The following POU3F3 variants were observed in gnomAD, a reference collection of about 807,000 sequenced individuals.
The protein encoded by POU3F3 is POU domain, class 3, transcription factor 3.
Under a neutral mutation model 8.6 loss-of-function variants are expected in POU3F3, and 1 was observed. The ratio of observed to expected loss-of-function variants is 0.12; its 90% CI spans 0.04 to 0.55. The LOEUF is 0.55. POU3F3 is among the 20% of genes least tolerant of loss of function. The pLI is 0.91. For missense variants in POU3F3, 577 were observed against 690.7 expected (o/e 0.84, Z 1.84); for synonymous variants, 418 against 327.4 (o/e 1.28, Z -2.99).
At chr2:104,907,585 A>G in the POU3F3 span, among the ~76,000 whole-genome samples, 1 of 152,168 alleles carries the variant, frequency 6.6e-6, no homozygotes, top group Non-Finnish European at 1.5e-5. Context: ...CTCCTGTCTT[A>G]TATTTGCAGA....
chr2:104,873,733 C>A, the POU3F3 span, among the ~76,000 whole-genome samples: 5 of 152,150 alleles, frequency 3.3e-5, no homozygotes, highest in African/African-American at 1.2e-4. Context: ...TGGGTCTTGA[C>A]CCCCTGCTTC....
the POU3F3 span, among the ~76,000 whole-genome samples, chr2:104,870,702 C>A: frequency 2.0e-5 from 3 of 152,188 alleles, no homozygotes; most frequent in Admixed American, 2.0e-4. Flanking sequence ...CTACTAACTG[C>A]CCCCTCCTTT....
At chr2:104,897,336 G>A in the POU3F3 span, among the ~76,000 whole-genome samples, 203 of 152,292 alleles carry the variant, frequency 1.3e-3, no homozygotes, top group African/African-American at 4.4e-3. Context: ...CAGAACTGGG[G>A]ACCTGGGTCT....
In POU3F3 at chr2:104,854,891, G is replaced by A. The variant is rs1176783579; in HGVS notation, c.-620G>A. On this transcript the variant is annotated 5_prime_UTR_variant, in exon 1 of 1. Coordinates refer to ENST00000361360, the MANE Select transcript of POU3F3 (RefSeq NM_006236.3). This position sits in a 1 kb window ranked among gnomAD's most constrained non-coding sequence, Gnocchi z 4.5. ...GAGCGGACAAGAGAAGGAGCGGGCC[G>A]GTTGCTGGTCATCCGTAATTTGGCT... Among the ~76,000 whole-genome samples the A allele has an allele frequency of 6.6e-6, 1 of 152,200 alleles. No individual in the cohort carries two copies. Among genetic ancestry groups the A allele is most frequent in the African/African-American group, 2.4e-5 (1 of 41,458 alleles).
the POU3F3 span, among the ~76,000 whole-genome samples, chr2:104,871,431 C>T: frequency 6.6e-6 from 1 of 152,076 alleles, no homozygotes; most frequent in Admixed American, 6.5e-5. Context: ...AGCTTGATTA[C>T]CTCATTTGGG....
At chr2:104,895,631 C>T in the POU3F3 span, among the ~76,000 whole-genome samples, 1 of 152,168 alleles carries the variant, frequency 6.6e-6, no homozygotes, top group African/African-American at 2.4e-5. Context: ...AGAAGAGCCA[C>T]AAGAGACAAA....
chr2:104,858,306 T>C lies in POU3F3; in HGVS notation c.*1293T>C, dbSNP rs1390328008. 6.6e-6 allele frequency: 1 copy of C among 152,258 alleles called. No individual in the cohort carries two copies. Among genetic ancestry groups the C allele is most frequent in the Non-Finnish European group, 1.5e-5 (1 of 68,046 alleles). The allele number at this position is 152,258 out of a possible 1,614,324, so 9.4% of individuals were successfully genotyped here. A position where few individuals can be genotyped will look rare whatever the true frequency, so the allele number is the denominator to read the frequency against. On this transcript the variant is annotated 3_prime_UTR_variant, in exon 1 of 1. Transcript: ENST00000361360. ...ATAGAATTGTTAGATCCGTTGTTGA[T>C]CTAAAAATATTTGCTTTATATTTTC...
chr2:104,908,109 A>G, the POU3F3 span, among the ~76,000 whole-genome samples: 8 of 152,348 alleles, frequency 5.3e-5, no homozygotes, highest in African/African-American at 1.2e-4. Context: ...TTGCATGAAT[A>G]GATTTCTTAA....
downstream of POU3F3, among the ~76,000 whole-genome samples, chr2:104,858,990 C>A (rs949362526): frequency 6.6e-6 from 1 of 151,938 alleles, no homozygotes; most frequent in Non-Finnish European, 1.5e-5. Context: ...CTCCTGTCCC[C>A]CTCCCAACAT....
chr2:104,922,513 A>G, the POU3F3 span, among the ~76,000 whole-genome samples: 1 of 152,232 alleles, frequency 6.6e-6, no homozygotes, highest in Admixed American at 6.5e-5. Flanking sequence ...AAATGCAATA[A>G]CTAAAATGAA....
the POU3F3 span, among the ~76,000 whole-genome samples, chr2:104,918,763 G>A: frequency 6.6e-6 from 1 of 152,044 alleles, no homozygotes; most frequent in Admixed American, 6.6e-5. Context: ...ATAGTTTGTG[G>A]CACTTTGTTA....
chr2:104,924,256 A>G, the POU3F3 span, among the ~76,000 whole-genome samples: 2 of 152,230 alleles, frequency 1.3e-5, no homozygotes, highest in African/African-American at 4.8e-5. Context: ...CAGACCACCT[A>G]TGGAAAGATG....
At chr2:104,860,956 G>A (rs1676649350), downstream of POU3F3, among the ~76,000 whole-genome samples, 1 of 151,334 alleles carries the variant, frequency 6.6e-6, no homozygotes, top group African/African-American at 2.4e-5. Flanking sequence ...ATTAAATGCA[G>A]TATATACTAT....
At chr2:104,854,035 T>C (rs1676496648), upstream of POU3F3, among the ~76,000 whole-genome samples, 1 of 152,062 alleles carries the variant, frequency 6.6e-6, no homozygotes, top group Non-Finnish European at 1.5e-5. The surrounding 1 kb of genome is among the most constrained non-coding windows in gnomAD (Gnocchi z 4.5). Flanking sequence ...GGGTAGCCAA[T>C]CAGCGGGGGC....
the POU3F3 span, among the ~76,000 whole-genome samples, chr2:104,909,724 G>T: frequency 3.3e-5 from 5 of 152,196 alleles, no homozygotes; most frequent in Admixed American, 3.3e-4. Flanking sequence ...TTTACAAAGC[G>T]CAAGTGACTG....
chr2:104,896,045 C>T, the POU3F3 span, among the ~76,000 whole-genome samples: 7 of 152,102 alleles, frequency 4.6e-5, no homozygotes, highest in Admixed American at 3.3e-4. Context: ...CAGTTAGCAC[C>T]GGGAAGCCTG....
At chr2:104,895,202 C>T in the POU3F3 span, among the ~76,000 whole-genome samples, 1 of 152,128 alleles carries the variant, frequency 6.6e-6, no homozygotes, top group Non-Finnish European at 1.5e-5. Context: ...TATTTCTCTA[C>T]AGGGCCCGAC....
In POU3F3 at chr2:104,856,273, G is replaced by A; in HGVS notation, c.763G>A (p.Val255Met). 3 of 1,435,006 alleles carry A rather than the reference G, an allele frequency of 2.1e-6. No individual in the cohort carries two copies. Among genetic ancestry groups the A allele is most frequent in the Non-Finnish European group, 2.7e-6 (3 of 1,105,106 alleles). 88.9% of individuals were successfully genotyped at this position (1,435,006 alleles called of 1,614,324 possible). ...CGCGGGCGGTGGAGCCCAGAGCTTGGTGCACCCGGGGCTGGTGCGCGGGGA... is the reference window on the plus strand; with the variant it reads ...CGCGGGCGGTGGAGCCCAGAGCTTGATGCACCCGGGGCTGGTGCGCGGGGA... ...GGAGGGAQSL[V>M]HPGLVRGDTP... The change falls in exon 1 of 1, where the codon GTG (valine) becomes ATG (methionine). Residue 255 changes from valine (V) to methionine (M), a missense_variant. Transcript: ENST00000361360.
At chr2:104,859,895 T>C (rs1363235168), downstream of POU3F3, among the ~76,000 whole-genome samples, 1 of 150,016 alleles carries the variant, frequency 6.7e-6, no homozygotes, top group Admixed American at 6.6e-5. Flanking sequence ...GGAGTGGGGG[T>C]GGGGGAGAAG....
Sources: gnomAD v4.1 joint callset for allele counts (sites outside exome capture counted in the v4.1 genomes callset) on GRCh38, gnomAD v4.1.1 for gene constraint, Gnocchi (gnomAD v3.1) non-coding constraint, MANE v1.5 for transcripts, NCBI Gene and HGNC (gene_info 2026-07-23, HGNC 2026-07-21) for gene names.